Variants in DOCK3 observed in about 807,000 individuals in gnomAD.
The protein encoded by DOCK3 is dedicator of cytokinesis 3, also known as dedicator of cytokinesis protein 3.
In DOCK3, 60 loss-of-function variants were observed where a neutral mutation model predicts 265.6. That is an observed-to-expected ratio of 0.23 (90% confidence interval 0.18 to 0.28). The LOEUF is 0.28. Ranked by LOEUF, DOCK3 falls within the 10% of genes least tolerant of loss-of-function variation. DOCK3 has a pLI of 1.00. For synonymous variants in DOCK3, 881 were observed against 938.0 expected (o/e 0.94, Z 1.11); for missense variants, 1,981 against 2,594.3 (o/e 0.76, Z 5.14).
chr3:50,862,299 C>T (rs542716353), intron 3 of DOCK3, among the ~76,000 whole-genome samples: 3 of 152,314 alleles, frequency 2.0e-5, no homozygotes, highest in East Asian at 1.9e-4. Context: ...TTACATATAT[C>T]GTTCAGGGCA....
chr3:51,214,124 C>G lies in DOCK3; in HGVS notation c.1129C>G (p.Leu377Val), dbSNP rs202195881. The G allele has an allele frequency of 6.2e-7, 1 of 1,613,606 alleles. No homozygotes were observed. Among genetic ancestry groups the G allele is most frequent in the East Asian group, 2.2e-5 (1 of 44,868 alleles). Residue 377 changes from leucine (L) to valine (V), a missense_variant and splice_region_variant, in exon 14 of 53, where the codon CTT (leucine) becomes GTT (valine). Leu to Val is a conservative substitution (Grantham distance 32). Transcript: ENST00000266037. ...AGAAAATGCTTTTGTTTTTGCAGGT[C>G]TTATCATTTCTCTGCAGCTTCTTCG... ...KYSAPSASHGLIISLQLLRGD... is the reference protein window; with the variant it reads ...KYSAPSASHGVIISLQLLRGD...
At chr3:51,127,618 G>T (rs766933565) in intron 9 of DOCK3, among the ~76,000 whole-genome samples, 42 of 152,210 alleles carry the variant, frequency 2.8e-4, no homozygotes, top group Non-Finnish European at 1.0e-4. Context: ...GTGTATACAT[G>T]CACAAGTGTT....
At chr3:50,921,142 G>C (rs1251607774) in intron 4 of DOCK3, among the ~76,000 whole-genome samples, 1 of 152,090 alleles carries the variant, frequency 6.6e-6, no homozygotes, top group Non-Finnish European at 1.5e-5. Context: ...GTTCTTTTAC[G>C]TTTGCCTGAG....
At chr3:50,912,154 C>G (rs1276515612) in intron 4 of DOCK3, among the ~76,000 whole-genome samples, 1 of 151,984 alleles carries the variant, frequency 6.6e-6, no homozygotes, top group Non-Finnish European at 1.5e-5. Flanking sequence ...TTTAGATGCC[C>G]TTTATTACTT....
intron 5 of DOCK3, among the ~76,000 whole-genome samples, chr3:51,044,876 A>G (rs1416048330): frequency 6.6e-6 from 1 of 152,154 alleles, no homozygotes; most frequent in Non-Finnish European, 1.5e-5. Flanking sequence ...CATAGAATTA[A>G]GGAGAATTAG....
Position 51,089,301 on chromosome 3 carries a change from G to A in DOCK3, c.591+17G>A, listed in dbSNP as rs2082545480. The A allele has an allele frequency of 1.0e-5, 16 of 1,605,482 alleles. No individual in the cohort carries two copies. Among genetic ancestry groups the A allele is most frequent in the Non-Finnish European group, 1.4e-5 (16 of 1,175,898 alleles). On this transcript the variant is annotated intron_variant, in intron 8 of 52. Coordinates refer to ENST00000266037, the MANE Select transcript of DOCK3 (RefSeq NM_004947.5). ...ACATCCCAGGTAAGCGGCTTTCCTG[G>A]GTCTTCCAGCCTTTCCCCTCAACTT...
intron 24 of DOCK3, among the ~76,000 whole-genome samples, chr3:51,272,740 C>T (rs1056223224): frequency 1.3e-5 from 2 of 151,848 alleles, no homozygotes; most frequent in African/African-American, 4.8e-5. Flanking sequence ...ATCTTTTTTC[C>T]ACCAGGAACT....
chr3:50,855,906 A>C (rs978303107), intron 3 of DOCK3, among the ~76,000 whole-genome samples: 10 of 152,030 alleles, frequency 6.6e-5, no homozygotes, highest in Admixed American at 3.3e-4. Flanking sequence ...CTTATCATTC[A>C]GCTCCCACTT....
chr3:51,277,798 C>T lies in DOCK3; in HGVS notation c.2823+44C>T, dbSNP rs781256249. ...GGTTTTCTTGCCTTCTTTTCTAACC[C>T]GGGGCTTCTCCACAACACTCCCCCT... On this transcript the variant is annotated intron_variant, in intron 26 of 52. Transcript: ENST00000266037. 12 of 1,578,006 alleles carry T rather than the reference C, an allele frequency of 7.6e-6. No individual in the cohort carries two copies. In the African/African-American group the frequency reaches 1.2e-4, roughly 16 times the overall value.
intron 5 of DOCK3, among the ~76,000 whole-genome samples, chr3:50,993,417 T>A (rs1268189665): frequency 6.6e-6 from 1 of 152,218 alleles, no homozygotes; most frequent in Non-Finnish European, 1.5e-5. Context: ...TAATTTTAGG[T>A]AATTTCAGCA....
At position 51,146,592 on chromosome 3, in the gene DOCK3, A is replaced by C. The variant is rs1342102852; in HGVS notation, c.790A>C (p.Asn264His). The change falls in exon 10 of 53, where the codon AAC becomes CAC. Residue 264 changes from asparagine to histidine, a missense_variant. This residue lies in a region of DOCK3 where 456 missense variants were observed against 539.0 expected (regional missense o/e 0.85). Transcript: ENST00000266037. ...VRLNKNGGPR[N>H]PEKIERMCAL... ...ACTGAACAAGAATGGTGGGCCGAGG[A>C]ACCCAGAGAAGATAGAACGAATGTG... 1 of 1,599,216 alleles carries C rather than the reference A, an allele frequency of 6.3e-7. No homozygotes were observed. Among genetic ancestry groups the C allele is most frequent in the Admixed American group, 1.7e-5 (1 of 57,668 alleles).
At chr3:50,786,966 T>C (rs1306896476) in intron 2 of DOCK3, 1 of 742,728 alleles carries the variant, frequency 1.3e-6, no homozygotes, top group African/African-American at 1.7e-5. Flanking sequence ...ATGTCTTTCA[T>C]GTGTGCAACC....
At position 50,810,436 on chromosome 3, in the gene DOCK3, G is replaced by A. The variant is rs144299445; in HGVS notation, c.122-31239G>A. 7.8e-3 allele frequency among the ~76,000 whole-genome samples: 1,180 copies of A among 151,910 alleles called. 8 individuals carry two copies. The highest frequency in any genetic ancestry group is 0.01 in the African/African-American group (433 of 41,424). ...CGTTGTGATGGGCACCTGTAATCCC[G>A]GCTACTTGGGAGGCTAGGGCAGGAG... On this transcript the variant is annotated intron_variant, in intron 2 of 52. Coordinates refer to ENST00000266037, the MANE Select transcript of DOCK3 (RefSeq NM_004947.5).
intron 51 of DOCK3, among the ~76,000 whole-genome samples, chr3:51,378,895 G>A (rs2088359454): frequency 6.6e-6 from 1 of 152,176 alleles, no homozygotes; most frequent in South Asian, 2.1e-4. Context: ...CTAGGAACTG[G>A]GGTTCTGTAG....
chr3:50,929,236 C>G (rs2050929757), intron 4 of DOCK3, among the ~76,000 whole-genome samples: 1 of 152,130 alleles, frequency 6.6e-6, no homozygotes, highest in African/African-American at 2.4e-5. Flanking sequence ...GCATATCTGT[C>G]TAGTGCTTGA....
At chr3:50,897,082 G>T (rs979469031) in intron 4 of DOCK3, among the ~76,000 whole-genome samples, 2 of 152,074 alleles carry the variant, frequency 1.3e-5, no homozygotes, top group East Asian at 3.9e-4. Flanking sequence ...GGGCAGTATG[G>T]CCATTTTCAT....
chr3:51,049,509 G>A (rs958160723), intron 5 of DOCK3, among the ~76,000 whole-genome samples: 2 of 151,862 alleles, frequency 1.3e-5, no homozygotes, highest in South Asian at 2.1e-4. Context: ...GTTTTCTTTC[G>A]AGGGTACTAA....
intron 9 of DOCK3, among the ~76,000 whole-genome samples, chr3:51,120,006 C>T (rs1005709947): frequency 2.0e-5 from 3 of 152,050 alleles, no homozygotes; most frequent in African/African-American, 7.2e-5. Context: ...TGTTGCCTTG[C>T]TAGCAAGGAG....
In DOCK3 at chr3:51,361,854, C is replaced by G; in HGVS notation, c.5007-5C>G. 6.2e-7 allele frequency: 1 copy of G among 1,612,098 alleles called. No homozygotes were observed. Among genetic ancestry groups the G allele is most frequent in the Non-Finnish European group, 8.5e-7 (1 of 1,178,904 alleles). On this transcript the variant is annotated splice_region_variant and splice_polypyrimidine_tract_variant and intron_variant, in intron 47 of 52. Coordinates refer to ENST00000266037, the MANE Select transcript of DOCK3 (RefSeq NM_004947.5). The surrounding 1 kb of genome is among the most constrained non-coding windows in gnomAD (Gnocchi z 4.2). ...CTCCTCCCTATTTCCCACTCTTGCTCACAGCCCCATGAACTTGATGGGCAC... is the reference window on the plus strand; with the variant it reads ...CTCCTCCCTATTTCCCACTCTTGCTGACAGCCCCATGAACTTGATGGGCAC...
Sources: allele counts gnomAD v4.1 joint callset (sites outside exome capture counted in the v4.1 genomes callset), GRCh38; gene constraint gnomAD v4.1.1; regional missense constraint gnomAD v4.1.1; non-coding constraint Gnocchi (gnomAD v3.1); transcripts MANE v1.5; gene names NCBI Gene and HGNC (gene_info 2026-07-23, HGNC 2026-07-21).